Variants in AEBP2 observed in about 807,000 individuals in gnomAD.
AEBP2 encodes the protein zinc finger protein AEBP2.
Under a neutral mutation model 50.8 loss-of-function variants are expected in AEBP2, and 10 were observed. The ratio of observed to expected loss-of-function variants is 0.20; its 90% CI spans 0.12 to 0.33. The LOEUF (loss-of-function observed/expected upper bound fraction) is 0.33, where lower values mean the gene tolerates loss of function less well. Among genes scored for constraint, AEBP2 ranks in the 10% least tolerant of loss-of-function variants. The pLI is 1.00. For synonymous variants in AEBP2, 296 were observed against 261.3 expected (o/e 1.13, Z -1.28); for missense variants, 570 against 688.0 (o/e 0.83, Z 1.92).
At position 19,518,529 on chromosome 12, in the gene AEBP2, G is replaced by A. The variant is rs1300370061; in HGVS notation, c.*412G>A. 2 of 1,272,382 alleles carry A rather than the reference G, an allele frequency of 1.6e-6. No individual in the cohort carries two copies. Among genetic ancestry groups the A allele is most frequent in the African/African-American group, 3.1e-5 (2 of 65,200 alleles). The allele number at this position is 1,272,382 out of a possible 1,614,324, so 78.8% of individuals were successfully genotyped here. On this transcript the variant is annotated 3_prime_UTR_variant, in exon 8 of 8. Transcript: ENST00000266508. ...ACATGTGCCCTTACAAATACCAAAA[G>A]CACTGTAAGGATATTTGTCTTGACA...
At chr12:19,497,576 A>T (rs1949005500) in intron 4 of AEBP2, among the ~76,000 whole-genome samples, 1 of 152,052 alleles carries the variant, frequency 6.6e-6, no homozygotes, top group Non-Finnish European at 1.5e-5. Context: ...AGGTGCAATC[A>T]ATTCCCGTGC....
At chr12:19,513,329 T>TTA (rs56661397) in intron 6 of AEBP2, among the ~76,000 whole-genome samples, 7,375 of 152,022 alleles carry the variant, frequency 0.049, 392 homozygotes, top group Admixed American at 0.15. Context: ...TGTATTTTTT[T>TTA]ATCTTTCTTA....
intron 1 of AEBP2, among the ~76,000 whole-genome samples, chr12:19,415,750 G>A (rs967834354): frequency 1.3e-5 from 2 of 151,534 alleles, no homozygotes; most frequent in East Asian, 3.9e-4. Context: ...TCATTACTAG[G>A]GTGTAGGAAT....
rs1035105323 is a variant in AEBP2 at position 19,439,541 on chromosome 12, C to A, written c.-159C>A. The A allele has an allele frequency of 3.7e-5, 36 of 969,382 alleles. No individual in the cohort carries two copies. Among genetic ancestry groups the A allele is most frequent in the Non-Finnish European group, 5.2e-5 (36 of 692,924 alleles). The allele number at this position is 969,382 out of a possible 1,614,324, so 60.0% of individuals were successfully genotyped here. A position where few individuals can be genotyped will look rare whatever the true frequency, so the allele number is the denominator to read the frequency against. On this transcript the variant is annotated 5_prime_UTR_variant, in exon 1 of 8. Transcript: ENST00000266508. ...CGCGCGCCTGTCCCCGCGCGGGCTC[C>A]GTAGCGCGTGTGCAGGCTGACGCAG...
Position 19,493,864 on chromosome 12 carries a change from C to G in AEBP2, c.1052C>G (p.Thr351Arg). 1 of 1,613,936 alleles carries G rather than the reference C, an allele frequency of 6.2e-7. No individual in the cohort carries two copies. The highest frequency in any genetic ancestry group is 8.5e-7 in the Non-Finnish European group (1 of 1,179,870). Residue 351 changes from threonine (T) to arginine (R), a missense_variant, in exon 4 of 8, where the codon ACA becomes AGA. Thr to Arg is a moderately conservative substitution (Grantham distance 71). Coordinates refer to ENST00000266508, the MANE Select transcript of AEBP2 (RefSeq NM_153207.5). ...GGAGGGCTAGCTCGTCATGTACCCA[C>G]ACACTTCAGTCAGCAGAACTCCTCA... ...SQGGLARHVP[T>R]HFSQQNSSKV... is the part of the protein sequence containing the mutation.
intron 1 of AEBP2, among the ~76,000 whole-genome samples, chr12:19,407,510 G>A (rs1032300352): frequency 1.1e-4 from 17 of 152,014 alleles, no homozygotes; most frequent in African/African-American, 4.1e-4. Flanking sequence ...CACCATGTTG[G>A]CCAGGCAGGT....
intron 1 of AEBP2, among the ~76,000 whole-genome samples, chr12:19,422,657 T>C (rs900753151): frequency 3.3e-5 from 5 of 151,870 alleles, no homozygotes; most frequent in African/African-American, 9.7e-5. Context: ...CCACCATGCC[T>C]GGTTAATTTT....
chr12:19,409,501 G>A (rs1263910839), intron 1 of AEBP2, among the ~76,000 whole-genome samples: 1 of 152,150 alleles, frequency 6.6e-6, no homozygotes, highest in Non-Finnish European at 1.5e-5. Context: ...CACAGGATAA[G>A]GAAGGAAAAC....
At chr12:19,445,370 C>CTTTTTTT (rs55898072) in intron 1 of AEBP2, among the ~76,000 whole-genome samples, 3 of 135,614 alleles carry the variant, frequency 2.2e-5, no homozygotes, top group Admixed American at 7.3e-5. Flanking sequence ...TGCTCGTTTT[C>CTTTTTTT]TTTTTTTTTT....
intron 1 of AEBP2, among the ~76,000 whole-genome samples, chr12:19,416,914 C>T (rs1386297864): frequency 7.3e-5 from 10 of 136,294 alleles, no homozygotes; most frequent in African/African-American, 1.4e-4. Flanking sequence ...CTCTGTCGCC[C>T]GGGCTGGAGT....
At chr12:19,415,337 A>C (rs1316721156) in intron 1 of AEBP2, among the ~76,000 whole-genome samples, 2 of 49,616 alleles carry the variant, frequency 4.0e-5, no homozygotes, top group African/African-American at 1.6e-4. Flanking sequence ...AAAAAAAAAA[A>C]AAAAAAAAAA....
rs1366439777 is a variant in AEBP2 at position 19,439,698 on chromosome 12, CCAT to C, written c.-1_2del. The stretch of plus-strand genomic sequence containing the variant: ...GGAGGAGGAGGAGGAGCAGGCGCCG[CCAT>C]GGCCGCCGCTATCACCGACATGGCC... On this transcript the variant is annotated start_lost and 5_prime_UTR_variant, in exon 1 of 8. Transcript: ENST00000266508. The C allele has an allele frequency of 6.6e-7, 1 of 1,511,820 alleles. No individual in the cohort carries two copies. The highest frequency in any genetic ancestry group is 8.8e-7 in the Non-Finnish European group (1 of 1,137,104). 93.7% of individuals were successfully genotyped at this position (1,511,820 alleles called of 1,614,324 possible). A position where few individuals can be genotyped will look rare whatever the true frequency, so the allele number is the denominator to read the frequency against.
At chr12:19,506,983 A>G (rs1214524708) in intron 5 of AEBP2, among the ~76,000 whole-genome samples, 1 of 152,068 alleles carries the variant, frequency 6.6e-6, no homozygotes, top group South Asian at 2.1e-4. Context: ...TCTAATTTGG[A>G]CATATTTAGA....
chr12:19,462,360 GCAT>G (rs1948394902), intron 1 of AEBP2, 147 bp from the exon 2 acceptor site: 2 of 609,862 alleles, frequency 3.3e-6, no homozygotes, highest in Non-Finnish European at 5.5e-6. Flanking sequence ...TAATTTAAAA[GCAT>G]TGTTGTTTTC....
intron 3 of AEBP2, among the ~76,000 whole-genome samples, chr12:19,491,431 T>C (rs1018325408): frequency 6.6e-6 from 1 of 152,252 alleles, no homozygotes; most frequent in African/African-American, 2.4e-5. Context: ...TTTGAAGTTA[T>C]ACTGCTTTAT....
chr12:19,516,632 G>A (rs1247127182), intron 7 of AEBP2, among the ~76,000 whole-genome samples: 2 of 152,150 alleles, frequency 1.3e-5, no homozygotes, highest in Non-Finnish European at 2.9e-5. Flanking sequence ...AAATTTATGT[G>A]TGTGATTCCA....
intron 1 of AEBP2, among the ~76,000 whole-genome samples, chr12:19,456,024 A>C (rs1948263951): frequency 6.6e-6 from 1 of 152,168 alleles, no homozygotes; most frequent in South Asian, 2.1e-4. Context: ...TTTCCATTAA[A>C]AAGTACTGAT....
chr12:19,431,110 G>C (rs778199498), intron 1 of AEBP2, among the ~76,000 whole-genome samples: 5 of 152,064 alleles, frequency 3.3e-5, no homozygotes, highest in Non-Finnish European at 4.4e-5. Context: ...AAAGAAATAA[G>C]GGAGAAAGTG....
At chr12:19,431,970 G>C (rs1178190363) in intron 1 of AEBP2, among the ~76,000 whole-genome samples, 2 of 152,104 alleles carry the variant, frequency 1.3e-5, no homozygotes, top group Non-Finnish European at 2.9e-5. Flanking sequence ...GTCATTTGTA[G>C]TATAGTAGGA....
Sources: allele counts gnomAD v4.1 joint callset (sites outside exome capture counted in the v4.1 genomes callset), GRCh38; gene constraint gnomAD v4.1.1; transcripts MANE v1.5; gene names NCBI Gene and HGNC (gene_info 2026-07-23, HGNC 2026-07-21).